CHST8: variants seen among roughly 807,000 people sequenced by gnomAD.
CHST8 encodes carbohydrate sulfotransferase 8, also known as GALNAC-4-ST1.
A neutral mutation model predicts 15.0 loss-of-function variants in CHST8; 10 were observed. The ratio of observed to expected loss-of-function variants is 0.67; its 90% CI spans 0.41 to 1.13. The LOEUF is 1.13. Among genes scored for constraint, CHST8 ranks in the 50% most tolerant of loss-of-function variants. The probability of loss-of-function intolerance (pLI) is 0.00; values close to 1 mark genes in which losing one functional copy is unlikely to be tolerated. For missense variants in CHST8, 634 were observed against 608.2 expected, an observed-to-expected ratio of 1.04 and a Z score of -0.45; for synonymous variants, 259 against 256.6, an observed-to-expected ratio of 1.01 and a Z score of -0.09.
chr19:33,726,687 C>A (rs1487174321), intron 3 of CHST8, among the ~76,000 whole-genome samples: 3 of 152,132 alleles, frequency 2.0e-5, no homozygotes, highest in Admixed American at 6.5e-5. Context: ...TCCCACCTCT[C>A]GACAGCAGTG....
chr19:33,688,421 A>G (rs1385173353), intron 2 of CHST8, among the ~76,000 whole-genome samples: 3 of 152,200 alleles, frequency 2.0e-5, no homozygotes, highest in Non-Finnish European at 4.4e-5. Context: ...GTTAGTACCC[A>G]GCCTCTGCGC....
chr19:33,735,652 C>T (rs1359747208), intron 3 of CHST8, among the ~76,000 whole-genome samples: 2 of 152,168 alleles, frequency 1.3e-5, no homozygotes, highest in African/African-American at 4.8e-5. Context: ...CATGGTGAAA[C>T]CCTGTGTCCA....
chr19:33,675,996 G>T (rs901441539), intron 2 of CHST8, among the ~76,000 whole-genome samples: 2 of 152,166 alleles, frequency 1.3e-5, no homozygotes, highest in Non-Finnish European at 2.9e-5. Flanking sequence ...TAAGCCTCAT[G>T]TCCATTCTGG....
At chr19:33,708,285 G>C (rs1208055518) in intron 3 of CHST8, among the ~76,000 whole-genome samples, 1 of 152,156 alleles carries the variant, frequency 6.6e-6, no homozygotes, top group Non-Finnish European at 1.5e-5. Context: ...TGCTTTTTGT[G>C]TTGCGTCTAA....
At chr19:33,723,110 G>A (rs1178236684) in intron 3 of CHST8, among the ~76,000 whole-genome samples, 1 of 152,154 alleles carries the variant, frequency 6.6e-6, no homozygotes, top group Non-Finnish European at 1.5e-5. Flanking sequence ...TTAAGTGTGG[G>A]GCTCAGTGGG....
At chr19:33,735,386 A>G (rs1346742724) in intron 3 of CHST8, among the ~76,000 whole-genome samples, 2 of 152,224 alleles carry the variant, frequency 1.3e-5, no homozygotes, top group South Asian at 4.1e-4. Flanking sequence ...GAGAGTGTGA[A>G]TGGGACCGGG....
chr19:33,656,804 G>A (rs372292998), intron 1 of CHST8, among the ~76,000 whole-genome samples: 1 of 152,110 alleles, frequency 6.6e-6, no homozygotes, highest in East Asian at 1.9e-4. Flanking sequence ...CTCCCAAAGT[G>A]CTGGGATTAC....
intron 4 of CHST8, 73 bp from the exon 5 acceptor site, chr19:33,771,884 G>A: frequency 6.7e-7 from 1 of 1,494,414 alleles, no homozygotes; most frequent in Non-Finnish European, 9.0e-7. Context: ...GCCGTGGTGA[G>A]AGCCTGACCT....
At chr19:33,683,922 G>A (rs1178261611) in intron 2 of CHST8, among the ~76,000 whole-genome samples, 1 of 152,208 alleles carries the variant, frequency 6.6e-6, no homozygotes, top group African/African-American at 2.4e-5. Context: ...AGGAGCAGGG[G>A]ACTCAGTTTC....
intron 1 of CHST8, among the ~76,000 whole-genome samples, chr19:33,650,872 C>T (rs539731147): frequency 5.1e-4 from 78 of 152,194 alleles, no homozygotes; most frequent in African/African-American, 1.8e-3. Context: ...CCATGCATGG[C>T]TAATTTTTGT....
chr19:33,727,785 G>A (rs1005788129), intron 3 of CHST8, among the ~76,000 whole-genome samples: 1 of 152,246 alleles, frequency 6.6e-6, no homozygotes. Context: ...CTGCCGTAGC[G>A]GGCTGGTGGC....
At position 33,772,001 on chromosome 19, in the gene CHST8, C is replaced by A. The variant is rs759189307; in HGVS notation, c.213C>A (p.Pro71=). ...CCCAGGATGGTGACTTGAAGGAACC[C>A]ACAGAGAGGGTCACTCGGGACTTAT... ...GGSQDGDLKE[P]TERVTRDLSS... is the part of the protein sequence containing the mutation. Residue 71 remains proline, a synonymous_variant, in exon 5 of 5, where the codon CCC becomes CCA. Transcript: ENST00000650847. The A allele has an allele frequency of 1.9e-6, 3 of 1,599,320 alleles. No individual in the cohort carries two copies. The highest frequency in any genetic ancestry group is 1.1e-5 in the South Asian group (1 of 89,372).
chr19:33,758,954 C>T (rs943698098), intron 3 of CHST8, among the ~76,000 whole-genome samples: 2 of 152,024 alleles, frequency 1.3e-5, no homozygotes, highest in African/African-American at 4.8e-5. Context: ...AGCTTTTACT[C>T]ATGGCAGCGG....
intron 3 of CHST8, among the ~76,000 whole-genome samples, chr19:33,722,308 T>C (rs1019540348): frequency 2.0e-5 from 3 of 150,316 alleles, no homozygotes; most frequent in Non-Finnish European, 4.4e-5. Flanking sequence ...GATGGACAGA[T>C]GGGTGGGTGC....
chr19:33,695,000 G>A (rs961151404), intron 3 of CHST8, among the ~76,000 whole-genome samples: 1 of 150,994 alleles, frequency 6.6e-6, no homozygotes, highest in East Asian at 2.0e-4. Context: ...CTGTGGCCCG[G>A]GCTGGTGTAT....
intron 2 of CHST8, chr19:33,684,995 AC>A (rs1464956238): frequency 1.3e-5 from 2 of 152,212 alleles, no homozygotes; most frequent in African/African-American, 4.8e-5. Context: ...GACCCACCGG[AC>A]AGAGAACTTT....
At chr19:33,704,464 T>A (rs970645420) in intron 3 of CHST8, among the ~76,000 whole-genome samples, 1 of 150,968 alleles carries the variant, frequency 6.6e-6, no homozygotes, top group African/African-American at 2.4e-5. Flanking sequence ...GACCACAGGA[T>A]GGGGGAAAGG....
At chr19:33,695,913 C>T (rs1304286721) in intron 3 of CHST8, among the ~76,000 whole-genome samples, 1 of 149,668 alleles carries the variant, frequency 6.7e-6, no homozygotes, top group Non-Finnish European at 1.5e-5. Context: ...GCAACCTCCA[C>T]CTCCTGGGTT....
At chr19:33,763,898 C>T (rs912326960) in intron 3 of CHST8, among the ~76,000 whole-genome samples, 3 of 152,174 alleles carry the variant, frequency 2.0e-5, no homozygotes, top group African/African-American at 7.2e-5. Flanking sequence ...AGGTGTGGCC[C>T]GGTCCCAAAG....
Sources: allele counts gnomAD v4.1 joint callset (sites outside exome capture counted in the v4.1 genomes callset), GRCh38; gene constraint gnomAD v4.1.1; transcripts MANE v1.5; gene names NCBI Gene and HGNC (gene_info 2026-07-23, HGNC 2026-07-21).